RASSF4: variants seen among roughly 807,000 people sequenced by gnomAD.
The protein encoded by RASSF4 is Ras association domain family member 4.
Under a neutral mutation model 41.1 loss-of-function variants are expected in RASSF4, and 38 were observed. The ratio of observed to expected loss-of-function variants is 0.92; its 90% CI spans 0.71 to 1.21. RASSF4 has a LOEUF of 1.21. Among genes scored for constraint, RASSF4 ranks in the 50% most tolerant of loss-of-function variants. RASSF4 has a pLI of 0.00. For synonymous variants in RASSF4, 179 were observed against 163.4 expected, an observed-to-expected ratio of 1.10 and a Z score of -0.73; for missense variants, 414 against 419.4, an observed-to-expected ratio of 0.99 and a Z score of 0.11.
chr10:44,979,404 C>T (rs768832129), intron 3 of RASSF4, among the ~76,000 whole-genome samples: 2 of 152,154 alleles, frequency 1.3e-5, no homozygotes, highest in Admixed American at 6.5e-5. Context: ...GCACAGCAAA[C>T]GTAGCAGCGG....
In RASSF4 at chr10:44,991,984, TAATC is replaced by T; in HGVS notation, c.890_893del (p.Ile297AsnfsTer2). On this transcript the variant is annotated frameshift_variant, in exon 10 of 11. Coordinates refer to ENST00000340258, the MANE Select transcript of RASSF4 (RefSeq NM_032023.4). LOFTEE classifies it high-confidence loss of function. ...TTAAAAGAAGAGGAAGAAAGAGAAA[TAATC>T]AAACTGACCATGAAGTAAGCAGCAC... 3.7e-6 allele frequency: 6 copies of T among 1,607,926 alleles called. No individual in the cohort carries two copies. Among genetic ancestry groups the T allele is most frequent in the Non-Finnish European group, 5.1e-6 (6 of 1,174,536 alleles).
chr10:44,977,293 C>T lies in RASSF4; in HGVS notation c.139-5228C>T, dbSNP rs1841475455. 18 of 1,450,732 alleles carry T rather than the reference C, an allele frequency of 1.2e-5. No homozygotes were observed. In the South Asian group the frequency reaches 2.3e-4, roughly 19 times the overall value. 89.9% of individuals were successfully genotyped at this position (1,450,732 alleles called of 1,614,324 possible). On this transcript the variant is annotated intron_variant, in intron 3 of 10. Coordinates refer to ENST00000340258, the MANE Select transcript of RASSF4 (RefSeq NM_032023.4). ...CAGGGGCCTCTGCAGAAAAGCATTT[C>T]CCTTTCAGAGACCTGCCAGGGGCAG...
chr10:44,987,309 G>A (rs1377058111), intron 6 of RASSF4, among the ~76,000 whole-genome samples: 1 of 152,272 alleles, frequency 6.6e-6, no homozygotes, highest in East Asian at 1.9e-4. Context: ...ATATTGGCCA[G>A]ACTGGTCTTG....
intron 9 of RASSF4, 123 bp downstream of exon 9, chr10:44,991,192 C>A: frequency 1.1e-6 from 1 of 887,186 alleles, no homozygotes; most frequent in Non-Finnish European, 1.6e-6. Context: ...CCACACTCTC[C>A]CAAAGGGCTC....
At chr10:44,971,494 A>C (rs1054604846) in intron 2 of RASSF4, 6 of 618,090 alleles carry the variant, frequency 9.7e-6, no homozygotes, top group Admixed American at 4.2e-5. Flanking sequence ...GTGATAGTGA[A>C]AGTGTCGGCA....
rs965154944 is a variant in RASSF4, at chr10:44,993,439, C to A, written c.*110C>A. The A allele has an allele frequency of 1.3e-6, 1 of 791,404 alleles. No individual in the cohort carries two copies. The highest frequency in any genetic ancestry group is 2.1e-6 in the Non-Finnish European group (1 of 481,724). 49.0% of individuals were successfully genotyped at this position (791,404 alleles called of 1,614,324 possible). On this transcript the variant is annotated 3_prime_UTR_variant, in exon 11 of 11. Coordinates refer to ENST00000340258, the MANE Select transcript of RASSF4 (RefSeq NM_032023.4). ...GACTGATGGCCACCGCCTGACGAAT[C>A]GAGTGCCTGTGTGTCTACCTCTCTG...
chr10:44,966,192 G>A (rs1173525297), intron 1 of RASSF4, among the ~76,000 whole-genome samples: 3 of 152,156 alleles, frequency 2.0e-5, no homozygotes, highest in African/African-American at 7.2e-5. Flanking sequence ...GAGAAGGCAT[G>A]CAACGAAGCA....
rs1679041491 is a variant in RASSF4, at chr10:44,984,915, C to G, written c.476C>G (p.Ala159Gly). 6.2e-7 allele frequency: 1 copy of G among 1,613,194 alleles called. No homozygotes were observed. The highest frequency in any genetic ancestry group is 1.3e-5 in the African/African-American group (1 of 74,884). The change falls in exon 6 of 11, where the codon GCC becomes GGC. Residue 159 changes from alanine (A) to glycine (G), a missense_variant. Physicochemically the swap from Ala to Gly is moderately conservative, Grantham distance 60 (BLOSUM62 0). Transcript: ENST00000340258. ...CCCAAGTGCCGCGCCCCCGGTGAGG[C>G]CCAGCGCATCCGGCGACACCGGTTC... ...RRPKCRAPGE[A>G]QRIRRHRFSI... is the part of the protein sequence containing the mutation.
At chr10:44,992,326 C>T (rs1028413686) in intron 10 of RASSF4, among the ~76,000 whole-genome samples, 1 of 152,248 alleles carries the variant, frequency 6.6e-6, no homozygotes, top group Non-Finnish European at 1.5e-5. Context: ...CTGGGTCAAG[C>T]TTCTGAGTTC....
At chr10:44,974,623 C>CCA (rs67971012) in intron 3 of RASSF4, among the ~76,000 whole-genome samples, 6 of 14,434 alleles carry the variant, frequency 4.2e-4, no homozygotes, top group African/African-American at 9.8e-4. Flanking sequence ...CTGAAAGAGA[C>CCA]CCCCCCGTGT....
At chr10:44,961,741 G>T (rs1484560257) in intron 1 of RASSF4, among the ~76,000 whole-genome samples, 1 of 152,232 alleles carries the variant, frequency 6.6e-6, no homozygotes, top group Non-Finnish European at 1.5e-5. Context: ...AGGAGCCCAA[G>T]GTTCAGAGAG....
chr10:44,967,625 T>C (rs1231683808), intron 1 of RASSF4, among the ~76,000 whole-genome samples: 1 of 152,254 alleles, frequency 6.6e-6, no homozygotes, highest in Non-Finnish European at 1.5e-5. Flanking sequence ...TCCTGCTGTA[T>C]GTGCACAGCT....
At chr10:44,983,759 G>A (rs540608788) in intron 4 of RASSF4, 62 of 510,302 alleles carry the variant, frequency 1.2e-4, no homozygotes, top group African/African-American at 3.7e-4. Flanking sequence ...TCATGTGTCC[G>A]TGTGTCTGTG....
At chr10:44,977,023 G>A (rs183656100) in intron 3 of RASSF4, 21 of 170,534 alleles carry the variant, frequency 1.2e-4, no homozygotes, top group South Asian at 3.9e-4. Flanking sequence ...CCCCACCAGC[G>A]ATGATGGTAG....
chr10:44,982,421 G>A (rs1330241956), intron 3 of RASSF4, 100 bp from the exon 4 acceptor site: 1 of 1,434,168 alleles, frequency 7.0e-7, no homozygotes, highest in Non-Finnish European at 9.7e-7. Flanking sequence ...CAGGAGGAGG[G>A]ATGTGCAAGG....
chr10:44,977,435 A>AGGACACT, intron 3 of RASSF4: 5 of 1,609,324 alleles, frequency 3.1e-6, no homozygotes, highest in Non-Finnish European at 4.2e-6. Context: ...GAGTGTTCTG[A>AGGACACT]GGACACTGCT....
rs1257519936 is a variant in RASSF4 at position 44,984,837 on chromosome 10, C to A, written c.398C>A (p.Ala133Asp). The A allele has an allele frequency of 2.5e-6, 4 of 1,613,602 alleles. No individual in the cohort carries two copies. The highest frequency in any genetic ancestry group is 3.4e-6 in the Non-Finnish European group (4 of 1,179,964). The change falls in exon 6 of 11, where the codon GCC (alanine) becomes GAC (aspartate). Residue 133 changes from alanine (A) to aspartate (D), a missense_variant. Transcript: ENST00000340258. Reference protein sequence around the residue: ...SSGPLEEAEEAPQLMRTKSDA... With the variant: ...SSGPLEEAEEDPQLMRTKSDA... ...GGGCCCCTGGAGGAGGCAGAGGAGGCCCCCCAGCTGATGCGGACCAAGAGC... is the reference window on the plus strand; with the variant it reads ...GGGCCCCTGGAGGAGGCAGAGGAGGACCCCCAGCTGATGCGGACCAAGAGC...
chr10:44,979,663 C>T (rs1841618318), intron 3 of RASSF4, among the ~76,000 whole-genome samples: 1 of 152,124 alleles, frequency 6.6e-6, no homozygotes, highest in South Asian at 2.1e-4. Flanking sequence ...ACGTGCAAAG[C>T]CCCTGTGGTG....
rs112232899 is a variant in RASSF4 at position 44,989,565 on chromosome 10, A to G, written c.634-105A>G. On this transcript the variant is annotated intron_variant, in intron 7 of 10. Coordinates refer to ENST00000340258, the MANE Select transcript of RASSF4 (RefSeq NM_032023.4). ...GGTTGGGAGAGGACAGGTTCCTTGC[A>G]ACTTGCGTGTGTGTTACTGGGGGTG... 3.7e-3 allele frequency: 4,119 copies of G among 1,115,862 alleles called. 96 individuals are homozygous for G. In the African/African-American group the frequency reaches 0.049, roughly 13 times the overall value. The allele number at this position is 1,115,862 out of a possible 1,614,324, so 69.1% of individuals were successfully genotyped here.
Sources: gnomAD v4.1 joint callset for allele counts (sites outside exome capture counted in the v4.1 genomes callset) on GRCh38, gnomAD v4.1.1 for gene constraint, MANE v1.5 for transcripts, NCBI Gene and HGNC (gene_info 2026-07-23, HGNC 2026-07-21) for gene names.